KLHL4: variants seen among roughly 807,000 people sequenced by gnomAD.
The protein encoded by KLHL4 is kelch-like protein 4.
A neutral mutation model predicts 45.8 loss-of-function variants in KLHL4; 17 were observed. The ratio of observed to expected loss-of-function variants is 0.37; its 90% confidence interval spans 0.25 to 0.56. The LOEUF (loss-of-function observed/expected upper bound fraction) is 0.56. KLHL4 is among the 20% of genes least tolerant of loss of function. The probability of loss-of-function intolerance (pLI) is 0.79; values close to 1 mark genes in which losing one functional copy is unlikely to be tolerated. For missense variants in KLHL4, 544 were observed against 544.9 expected (o/e 1.00, Z 0.02); for synonymous variants, 224 against 189.9 (o/e 1.18, Z -1.47).
intron 1 of KLHL4, among the ~76,000 whole-genome samples, chrX:87,586,944 A>C: frequency 9.1e-6 from 1 of 109,652 alleles, no homozygotes. Flanking sequence ...GGAGACATTA[A>C]AACTGATACT....
At chrX:87,613,613 T>C (rs989276440) in intron 1 of KLHL4, among the ~76,000 whole-genome samples, 2 of 111,904 alleles carry the variant, frequency 1.8e-5, no homozygotes, top group African/African-American at 6.5e-5. Flanking sequence ...ACTAGCCCTA[T>C]TGGTGAATTG....
chrX:87,529,461 T>TTATA (rs1931194920), intron 1 of KLHL4, among the ~76,000 whole-genome samples: 1 of 109,021 alleles, frequency 9.2e-6, no homozygotes, highest in Non-Finnish European at 1.9e-5. Context: ...ATGATTAATA[T>TTATA]TATACCTTAA....
chrX:87,551,002 C>T (rs980325940), intron 1 of KLHL4, among the ~76,000 whole-genome samples: 2 of 111,022 alleles, frequency 1.8e-5, no homozygotes, highest in Non-Finnish European at 3.8e-5. Context: ...AAGTCCCAGC[C>T]AGAGCAATCA....
rs776813462 is a variant in KLHL4 at position 87,653,029 on chromosome X, C to T, written c.1926-11735C>T. Among the ~76,000 whole-genome samples the T allele has an allele frequency of 2.6e-3, 291 of 111,754 alleles. 2 individuals carry two copies. Among genetic ancestry groups the T allele is most frequent in the African/African-American group, 9.3e-3 (286 of 30,736 alleles). ...GCAAAATGAGTTTCCCCTTATAAAA[C>T]CATCAGAACTTGTGAGACTTATTCA... On this transcript the variant is annotated intron_variant, in intron 9 of 10. Transcript: ENST00000373119.
rs936254013 is a variant in KLHL4 at position 87,669,628 on chromosome X, A to G, written c.*3094A>G. On this transcript the variant is annotated 3_prime_UTR_variant, in exon 11 of 11. Transcript: ENST00000373119. The stretch of plus-strand genomic sequence containing the variant: ...AAAAAAAAAAAGGTCATGAAACACA[A>G]ATGTCCTCAACTGTCATCATTCTAT... 98 of 314,486 alleles carry G rather than the reference A, an allele frequency of 3.1e-4. No homozygotes were observed. Among genetic ancestry groups the G allele is most frequent in the African/African-American group, 2.5e-3 (95 of 37,265 alleles). 25.9% of individuals were successfully genotyped at this position (314,486 alleles called of 1,213,427 possible).
At chrX:87,563,558 G>A (rs1356822446) in intron 1 of KLHL4, among the ~76,000 whole-genome samples, 1 of 102,398 alleles carries the variant, frequency 9.8e-6, no homozygotes, top group Non-Finnish European at 2.0e-5. Context: ...AAGAAAGAAT[G>A]AGTGAGCTTG....
At chrX:87,573,778 G>GT (rs747138442) in intron 1 of KLHL4, among the ~76,000 whole-genome samples, 10 of 111,673 alleles carry the variant, frequency 9.0e-5, no homozygotes, top group South Asian at 3.7e-4. Context: ...ATACTTGGCT[G>GT]TATGTGCTAA....
chrX:87,637,005 T>C (rs1336466877), intron 9 of KLHL4, among the ~76,000 whole-genome samples: 2 of 111,705 alleles, frequency 1.8e-5, no homozygotes, highest in Non-Finnish European at 3.8e-5. Context: ...TGATGGGCTC[T>C]TGAATGTGCC....
intron 1 of KLHL4, among the ~76,000 whole-genome samples, chrX:87,562,574 T>C (rs1488678061): frequency 9.1e-6 from 1 of 110,427 alleles, no homozygotes; most frequent in Non-Finnish European, 1.9e-5. Flanking sequence ...TCTTTCAAAT[T>C]GGGTACCAGT....
At chrX:87,551,618 A>T (rs749864599) in intron 1 of KLHL4, among the ~76,000 whole-genome samples, 11 of 74,108 alleles carry the variant, frequency 1.5e-4, no homozygotes, top group Admixed American at 1.3e-3. Flanking sequence ...TAGAAATAGA[A>T]ATCTTGTGTC....
In KLHL4 at chrX:87,528,149, G is replaced by C. The variant is rs1373057849; in HGVS notation, c.422+9834G>C. Among the ~76,000 whole-genome samples, 3 of 111,573 alleles carry C rather than the reference G, an allele frequency of 2.7e-5. No homozygotes were observed. In the East Asian group the frequency reaches 8.4e-4, roughly 31 times the overall value. ...TCAAACAAATGATTCAGAAAAATTA[G>C]GGAAACAATTTGTGATCTAAGTGAA... On this transcript the variant is annotated intron_variant, in intron 1 of 10. Coordinates refer to ENST00000373119, the MANE Select transcript of KLHL4 (RefSeq NM_019117.5).
Position 87,664,764 on chromosome X carries a change from G to A in KLHL4, c.1926G>A (p.Arg642=). 5 of 1,186,223 alleles carry A rather than the reference G, an allele frequency of 4.2e-6. No individual in the cohort carries two copies. Among genetic ancestry groups the A allele is most frequent in the Non-Finnish European group, 5.7e-6 (5 of 880,085 alleles). ...HCSRLSDCVE[R]YDPKGDSWST... is the part of the protein sequence containing the mutation. ...CAATTATCTTTCTAAATCCTTTAAGGTATGATCCAAAAGGTGATTCATGGT... is the reference window on the plus strand; with the variant it reads ...CAATTATCTTTCTAAATCCTTTAAGATATGATCCAAAAGGTGATTCATGGT... Residue 642 remains arginine, a splice_region_variant and synonymous_variant, in exon 10 of 11, where the codon CGG becomes CGA. Transcript: ENST00000373119.
At chrX:87,665,015 G>T in intron 10 of KLHL4, 80 bp downstream of exon 10, 2 of 619,178 alleles carry the variant, frequency 3.2e-6, no homozygotes, top group Non-Finnish European at 4.9e-6. Flanking sequence ...GAAATTAGTT[G>T]TATTCTCTTC....
intron 9 of KLHL4, among the ~76,000 whole-genome samples, chrX:87,653,009 A>C (rs1923869763): frequency 8.9e-6 from 1 of 111,908 alleles, no homozygotes; most frequent in African/African-American, 3.3e-5. Context: ...GCCAAGCAAA[A>C]TGAGTTTCCC....
chrX:87,643,890 G>T (rs780764932), intron 9 of KLHL4, among the ~76,000 whole-genome samples: 1 of 111,671 alleles, frequency 9.0e-6, no homozygotes, highest in Admixed American at 9.5e-5. Flanking sequence ...CAGCATACAA[G>T]GGACATACCT....
chrX:87,652,438 A>G, intron 9 of KLHL4, among the ~76,000 whole-genome samples: 1 of 112,496 alleles, frequency 8.9e-6, no homozygotes, highest in East Asian at 2.8e-4. Flanking sequence ...GAATGCTAAT[A>G]GCACCTCTTA....
rs185228178 is a variant in KLHL4, at chrX:87,652,521, A to T, written c.1926-12243A>T. 4.8e-3 allele frequency among the ~76,000 whole-genome samples: 537 copies of T among 111,993 alleles called. 2 individuals carry two copies. Among genetic ancestry groups the T allele is most frequent in the Non-Finnish European group, 7.7e-3 (410 of 53,219 alleles). On this transcript the variant is annotated intron_variant, in intron 9 of 10. Transcript: ENST00000373119. Reference sequence around the variant, plus strand: ...TTCTCTCAAGTTTAAAGTTGCACAAATTTCTAGGGCAGGGACAAAATGCTG... The same window carrying T: ...TTCTCTCAAGTTTAAAGTTGCACAATTTTCTAGGGCAGGGACAAAATGCTG...
At chrX:87,538,738 C>T (rs953437131) in intron 1 of KLHL4, among the ~76,000 whole-genome samples, 1 of 111,198 alleles carries the variant, frequency 9.0e-6, no homozygotes, top group African/African-American at 3.3e-5. Flanking sequence ...ATGAGTTTCA[C>T]TTATCTCCAC....
rs758353571 is a variant in KLHL4, at chrX:87,629,073, T to C, written c.1325-3137T>C. 2.7e-5 allele frequency among the ~76,000 whole-genome samples: 3 copies of C among 111,687 alleles called. No homozygotes were observed. In the South Asian group the frequency reaches 1.1e-3, roughly 42 times the overall value. ...TGTCGCTTTTGGAACATTTGTAAAG[T>C]AAATGGAGGAAATCATTACATCAGA... On this transcript the variant is annotated intron_variant, in intron 6 of 10. Transcript: ENST00000373119.
Sources: allele counts gnomAD v4.1 joint callset (sites outside exome capture counted in the v4.1 genomes callset), GRCh38; gene constraint gnomAD v4.1.1; transcripts MANE v1.5; gene names NCBI Gene and HGNC (gene_info 2026-07-23, HGNC 2026-07-21).